Variants in ABHD12 observed in about 807,000 individuals in gnomAD.
ABHD12 encodes lysophosphatidylserine lipase ABHD12.
In ABHD12, 43 loss-of-function variants were observed where a neutral mutation model predicts 58.3. The observed-to-expected ratio is 0.74, with a 90% CI of 0.58 to 0.95. The LOEUF (loss-of-function observed/expected upper bound fraction) is 0.95. Ranked by LOEUF, ABHD12 falls within the 40% of genes least tolerant of loss-of-function variation. ABHD12 has a pLI of 0.00. For missense variants in ABHD12, 539 were observed against 537.2 expected (o/e 1.00, Z -0.03); for synonymous variants, 219 against 211.2 (o/e 1.04, Z -0.32).
chr20:25,297,825 T>TTGAG (rs2088573065), downstream of ABHD12: 1 of 125,836 alleles, frequency 7.9e-6, no homozygotes, highest in Non-Finnish European at 1.8e-5. Context: ...CAGCCTTTTA[T>TTGAG]TGAGTGGGGC....
At chr20:25,316,200 C>T (rs1022149993) in intron 5 of ABHD12, among the ~76,000 whole-genome samples, 2 of 152,074 alleles carry the variant, frequency 1.3e-5, no homozygotes, top group African/African-American at 4.8e-5. Flanking sequence ...TGCTCTGTTG[C>T]CCAGGCTAGA....
At chr20:25,341,908 C>G (rs1365557202) in intron 1 of ABHD12, among the ~76,000 whole-genome samples, 1 of 152,070 alleles carries the variant, frequency 6.6e-6, no homozygotes, top group Non-Finnish European at 1.5e-5. Flanking sequence ...GCTCTGGCAC[C>G]TGCAGTTACT....
chr20:25,312,402 A>G (rs1435893445), intron 6 of ABHD12, among the ~76,000 whole-genome samples: 1 of 152,134 alleles, frequency 6.6e-6, no homozygotes, highest in African/African-American at 2.4e-5. Flanking sequence ...GCTGGTCTTC[A>G]GCTCCTAACC....
chr20:25,308,363 G>C, intron 8 of ABHD12, 94 bp downstream of exon 8: 1 of 1,486,178 alleles, frequency 6.7e-7, no homozygotes, highest in Non-Finnish European at 9.2e-7. Flanking sequence ...AGCTCATGCT[G>C]CTCCATGAGG....
chr20:25,308,783 G>T (rs573946740), intron 7 of ABHD12, among the ~76,000 whole-genome samples: 3 of 152,176 alleles, frequency 2.0e-5, no homozygotes, highest in Non-Finnish European at 4.4e-5. Flanking sequence ...GCCGCCTGTC[G>T]GCTGGGGGTG....
chr20:25,379,854 A>G (rs1289214133), intron 1 of ABHD12, among the ~76,000 whole-genome samples: 1 of 151,530 alleles, frequency 6.6e-6, no homozygotes, highest in Non-Finnish European at 1.5e-5. Flanking sequence ...ATGCCTGGCT[A>G]ATTCTTTTTT....
chr20:25,312,351 G>A (rs532647165), intron 6 of ABHD12, among the ~76,000 whole-genome samples: 4 of 152,062 alleles, frequency 2.6e-5, no homozygotes, highest in East Asian at 2.0e-4. Context: ...ACTGGTTTTC[G>A]TATTTTTTTG....
At chr20:25,349,090 A>T (rs1229798016) in intron 1 of ABHD12, among the ~76,000 whole-genome samples, 1 of 151,850 alleles carries the variant, frequency 6.6e-6, no homozygotes, top group East Asian at 1.9e-4. Flanking sequence ...TCTCAAAAAA[A>T]AAAAAAAAAG....
Position 25,390,487 on chromosome 20 carries a change from C to A in ABHD12, c.191+26G>T, listed in dbSNP as rs761559263. On this transcript the variant is annotated intron_variant, in intron 1 of 12. Transcript: ENST00000339157. ...CAAAGTGAGGGACCGGCCCCCCCCC[C>A]CCCCCCGCTCCGCGCGAAGCCTCAC... 2.8e-5 allele frequency: 36 copies of A among 1,296,196 alleles called. 2 individuals are homozygous for A. Among genetic ancestry groups the A allele is most frequent in the Admixed American group, 2.5e-4 (9 of 36,654 alleles). The allele number at this position is 1,296,196 out of a possible 1,614,324, so 80.3% of individuals were successfully genotyped here.
chr20:25,308,387 G>A, intron 8 of ABHD12, 70 bp downstream of exon 8: 1 of 1,567,340 alleles, frequency 6.4e-7, no homozygotes, highest in South Asian at 1.2e-5. Flanking sequence ...CTGAGCACTT[G>A]CAGCAGGGCC....
chr20:25,331,462 A>G (rs1395502433), intron 2 of ABHD12, among the ~76,000 whole-genome samples: 4 of 152,154 alleles, frequency 2.6e-5, no homozygotes, highest in African/African-American at 7.2e-5. Flanking sequence ...GAACGCCACA[A>G]AGATACTCCT....
chr20:25,386,839 C>T (rs2090097980), intron 1 of ABHD12, among the ~76,000 whole-genome samples: 2 of 151,978 alleles, frequency 1.3e-5, no homozygotes, highest in Non-Finnish European at 2.9e-5. Context: ...CGAGATCGTG[C>T]CACTGCACTC....
At chr20:25,320,604 C>A (rs963483109) in intron 3 of ABHD12, among the ~76,000 whole-genome samples, 7 of 152,214 alleles carry the variant, frequency 4.6e-5, no homozygotes, top group Non-Finnish European at 8.8e-5. Context: ...TTGCAATGTG[C>A]CAGTTACCAC....
intron 1 of ABHD12, among the ~76,000 whole-genome samples, chr20:25,377,555 C>T (rs969736599): frequency 6.6e-6 from 1 of 152,116 alleles, no homozygotes; most frequent in African/African-American, 2.4e-5. Context: ...AGGAGATGGC[C>T]ACACTGCCTT....
At chr20:25,314,846 T>A (rs1322535537) in intron 6 of ABHD12, 79 bp downstream of exon 6, 1 of 1,527,360 alleles carries the variant, frequency 6.5e-7, no homozygotes, top group Non-Finnish European at 9.1e-7. Context: ...TCCGAGCCTC[T>A]TCGAGTGAGG....
intron 1 of ABHD12, among the ~76,000 whole-genome samples, chr20:25,360,325 C>G (rs778769966): frequency 1.7e-4 from 24 of 141,668 alleles, no homozygotes; most frequent in Non-Finnish European, 2.9e-4. Context: ...ACTGCAACTT[C>G]CGCCTCCCAG....
intron 1 of ABHD12, among the ~76,000 whole-genome samples, chr20:25,364,962 G>A (rs1352172325): frequency 6.6e-6 from 1 of 152,092 alleles, no homozygotes; most frequent in African/African-American, 2.4e-5. Flanking sequence ...TGTAGAGTTG[G>A]GCATGGGAAT....
At chr20:25,379,738 TA>T (rs1216273242) in intron 1 of ABHD12, among the ~76,000 whole-genome samples, 1 of 152,204 alleles carries the variant, frequency 6.6e-6, no homozygotes, top group Non-Finnish European at 1.5e-5. Flanking sequence ...TTTATTTATA[TA>T]TTTTTTTGAG....
chr20:25,386,204 G>A (rs982848894), intron 1 of ABHD12, among the ~76,000 whole-genome samples: 1 of 151,450 alleles, frequency 6.6e-6, no homozygotes, highest in Admixed American at 6.6e-5. Context: ...CTTGATAAAG[G>A]TTGCATAAGA....
Sources: gnomAD v4.1 joint callset for allele counts (sites outside exome capture counted in the v4.1 genomes callset) on GRCh38, gnomAD v4.1.1 for gene constraint, MANE v1.5 for transcripts, NCBI Gene and HGNC (gene_info 2026-07-23, HGNC 2026-07-21) for gene names.